CPA3: variants seen among roughly 807,000 people sequenced by gnomAD.
CPA3 encodes the protein carboxypeptidase A3.
In CPA3, 52 loss-of-function variants were observed where a neutral mutation model predicts 55.8. The ratio of observed to expected loss-of-function variants is 0.93; its 90% CI spans 0.75 to 1.17. The LOEUF is 1.17. Ranked by LOEUF, CPA3 falls within the 50% of genes most tolerant of loss-of-function variation. The pLI is 0.00. For synonymous variants in CPA3, 179 were observed against 171.2 expected, an observed-to-expected ratio of 1.05 and a Z score of -0.36; for missense variants, 547 against 509.1, an observed-to-expected ratio of 1.07 and a Z score of -0.72.
intron 6 of CPA3, among the ~76,000 whole-genome samples, chr3:148,880,513 G>C (rs1336613003): frequency 6.6e-6 from 1 of 151,922 alleles, no homozygotes; most frequent in Non-Finnish European, 1.5e-5. Context: ...TGTATTTTTA[G>C]TAGAGACTGG....
In CPA3 at chr3:148,886,145, G is replaced by A. The variant is rs377005273; in HGVS notation, c.1034G>A (p.Arg345His). 41 of 1,612,926 alleles carry A rather than the reference G, an allele frequency of 2.5e-5. No individual in the cohort carries two copies. Among genetic ancestry groups the A allele is most frequent in the African/African-American group, 6.7e-5 (5 of 74,820 alleles). Residue 345 changes from arginine to histidine, a missense_variant, in exon 10 of 11, where the codon CGC becomes CAC. Arg to His is a conservative substitution (Grantham distance 29). Coordinates refer to ENST00000296046, the MANE Select transcript of CPA3 (RefSeq NM_001870.4). ...TDVLSTRYETRYIYGPIESTI... is the reference protein window; with the variant it reads ...TDVLSTRYETHYIYGPIESTI... ...GTTCTATCAACTCGATATGAAACCC[G>A]CTACATCTATGGCCCAATAGAATCA...
At chr3:148,882,733 A>G (rs2108035643) in intron 8 of CPA3, 138 bp downstream of exon 8, 1 of 665,110 alleles carries the variant, frequency 1.5e-6, no homozygotes, top group South Asian at 1.9e-5. Context: ...AACATGAAAG[A>G]CAATCATCAC....
intron 3 of CPA3, 130 bp downstream of exon 3, chr3:148,869,169 C>G: frequency 9.6e-7 from 1 of 1,040,438 alleles, no homozygotes; most frequent in East Asian, 2.6e-5. Flanking sequence ...CTGTAAGATA[C>G]AGATCACAGT....
In CPA3 at chr3:148,896,820, T is replaced by C; in HGVS notation, c.*113T>C. 1.1e-6 allele frequency: 1 copy of C among 900,644 alleles called. No homozygotes were observed. Among genetic ancestry groups the C allele is most frequent in the Non-Finnish European group, 1.6e-6 (1 of 628,534 alleles). The allele number at this position is 900,644 out of a possible 1,614,324, so 55.8% of individuals were successfully genotyped here. A position where few individuals can be genotyped will look rare whatever the true frequency, so the allele number is the denominator to read the frequency against. ...CTTCTATTTCACCTGAATCCTTCTC[T>C]TGCTCATTTAAGTCCCATGTTACTG... On this transcript the variant is annotated 3_prime_UTR_variant, in exon 11 of 11. Transcript: ENST00000296046.
intron 10 of CPA3, among the ~76,000 whole-genome samples, chr3:148,888,336 C>T (rs926806514): frequency 6.6e-6 from 1 of 152,182 alleles, no homozygotes; most frequent in African/African-American, 2.4e-5. Flanking sequence ...TTTCCTCGAG[C>T]ACATTCATTA....
chr3:148,878,226 T>A (rs1381272128), intron 3 of CPA3, among the ~76,000 whole-genome samples: 1 of 152,180 alleles, frequency 6.6e-6, no homozygotes, highest in East Asian at 1.9e-4. Context: ...GGCTAGAGAC[T>A]ATCACACTGG....
At chr3:148,879,202 A>G (rs1714293595) in intron 5 of CPA3, among the ~76,000 whole-genome samples, 1 of 152,144 alleles carries the variant, frequency 6.6e-6, no homozygotes, top group Admixed American at 6.5e-5. Context: ...TTGCTGCTGG[A>G]TTTTTGCACA....
chr3:148,868,792 T>C lies in CPA3; in HGVS notation c.145-123T>C, dbSNP rs529640999. ...TCCCATAAACTTATTAAAAGAAGGG[T>C]CTGTATCTTAGTTATGCTGAGCCCC... On this transcript the variant is annotated intron_variant, in intron 2 of 10. Transcript: ENST00000296046. 2.4e-5 allele frequency: 24 copies of C among 1,016,178 alleles called. No individual in the cohort carries two copies. In the African/African-American group the frequency reaches 3.6e-4, roughly 15 times the overall value. The allele number at this position is 1,016,178 out of a possible 1,614,324, so 62.9% of individuals were successfully genotyped here.
At chr3:148,891,724 A>G (rs1187323804) in intron 10 of CPA3, among the ~76,000 whole-genome samples, 1 of 152,186 alleles carries the variant, frequency 6.6e-6, no homozygotes, top group Non-Finnish European at 1.5e-5. Flanking sequence ...CAAACTCCAC[A>G]TAAAGTAAAT....
intron 10 of CPA3, among the ~76,000 whole-genome samples, chr3:148,892,664 C>T (rs1447952184): frequency 6.6e-6 from 1 of 151,208 alleles, no homozygotes; most frequent in East Asian, 1.9e-4. Context: ...AAAACAACAA[C>T]AACAACAACA....
In CPA3 at chr3:148,891,646, C is replaced by T. The variant is rs370387425; in HGVS notation, c.1067-4874C>T. ...AGAAGATATGAAATGTATTCTACTT[C>T]ATAGCATCACATAATTATGAAAAAT... On this transcript the variant is annotated intron_variant, in intron 10 of 10. Coordinates refer to ENST00000296046, the MANE Select transcript of CPA3 (RefSeq NM_001870.4). Among the ~76,000 whole-genome samples, 3 of 152,200 alleles carry T rather than the reference C, an allele frequency of 2.0e-5. No homozygotes were observed. In the East Asian group the frequency reaches 5.8e-4, roughly 29 times the overall value.
At chr3:148,871,167 G>C (rs903869782) in intron 3 of CPA3, among the ~76,000 whole-genome samples, 1 of 152,088 alleles carries the variant, frequency 6.6e-6, no homozygotes, top group Non-Finnish European at 1.5e-5. Context: ...CACCGCACCA[G>C]GCCTACTGTG....
intron 6 of CPA3, among the ~76,000 whole-genome samples, chr3:148,880,289 T>G (rs569856854): frequency 6.6e-6 from 1 of 152,230 alleles, no homozygotes; most frequent in Non-Finnish European, 1.5e-5. Context: ...ACTTGGAATT[T>G]TAATATTTAA....
chr3:148,870,256 A>AT (rs1399966360), intron 3 of CPA3, among the ~76,000 whole-genome samples: 125 of 145,298 alleles, frequency 8.6e-4, no homozygotes, highest in Admixed American at 2.1e-3. Context: ...ACACTAGTTC[A>AT]TTTTTTTTTT....
chr3:148,874,631 C>A (rs980014363), intron 3 of CPA3, among the ~76,000 whole-genome samples: 1 of 152,072 alleles, frequency 6.6e-6, no homozygotes, highest in South Asian at 2.1e-4. Context: ...GTCAGTGCTG[C>A]TAATAGGAAT....
At chr3:148,870,754 TA>T (rs1214588820) in intron 3 of CPA3, among the ~76,000 whole-genome samples, 2 of 152,206 alleles carry the variant, frequency 1.3e-5, no homozygotes, top group African/African-American at 4.8e-5. Flanking sequence ...ATCACATCAT[TA>T]AAATTAGACA....
In CPA3 at chr3:148,865,433, C is replaced by T. The variant is rs200734672; in HGVS notation, c.69-40C>T. ...GTAGAAGAGAATTAAAGGTTGTTTC[C>T]TTACAGTTCACTTTTTTTTTTTCAT... On this transcript the variant is annotated intron_variant, in intron 1 of 10. Transcript: ENST00000296046. 38 of 1,612,712 alleles carry T rather than the reference C, an allele frequency of 2.4e-5. No individual in the cohort carries two copies. In the African/African-American group the frequency reaches 3.3e-4, roughly 14 times the overall value.
intron 10 of CPA3, among the ~76,000 whole-genome samples, chr3:148,889,373 G>A (rs1175358501): frequency 2.6e-5 from 4 of 151,888 alleles, no homozygotes; most frequent in South Asian, 2.1e-4. Context: ...ACTTGATGAA[G>A]ACAGAAAAAA....
chr3:148,879,314 C>A (rs1259609128), intron 5 of CPA3, among the ~76,000 whole-genome samples: 1 of 152,148 alleles, frequency 6.6e-6, no homozygotes, highest in Non-Finnish European at 1.5e-5. Context: ...CAAAACAAAC[C>A]TGCACTCTCT....
Sources: gnomAD v4.1 joint callset for allele counts (sites outside exome capture counted in the v4.1 genomes callset) on GRCh38, gnomAD v4.1.1 for gene constraint, MANE v1.5 for transcripts, NCBI Gene and HGNC (gene_info 2026-07-23, HGNC 2026-07-21) for gene names.